Variants in GRB10 observed in about 807,000 individuals in gnomAD.
GRB10 encodes growth factor receptor bound protein 10.
Under a neutral mutation model 80.9 loss-of-function variants are expected in GRB10, and 20 were observed. That is an observed-to-expected ratio of 0.25 (90% CI 0.17 to 0.36). The LOEUF (loss-of-function observed/expected upper bound fraction) is 0.36, where lower values mean the gene tolerates loss of function less well. Among genes scored for constraint, GRB10 ranks in the 10% least tolerant of loss-of-function variants. GRB10 has a pLI of 1.00. For synonymous variants in GRB10, 291 were observed against 291.5 expected, an observed-to-expected ratio of 1.00 and a Z score of 0.02; for missense variants, 548 against 747.7, an observed-to-expected ratio of 0.73 and a Z score of 3.12.
At chr7:50,675,986 C>T (rs770535591) in intron 5 of GRB10, among the ~76,000 whole-genome samples, 6 of 152,174 alleles carry the variant, frequency 3.9e-5, no homozygotes, top group Admixed American at 1.3e-4. Context: ...GAGTTTTGTA[C>T]GTGTAACCCA....
chr7:50,614,302 G>C (rs1347799763), intron 12 of GRB10, among the ~76,000 whole-genome samples: 1 of 152,154 alleles, frequency 6.6e-6, no homozygotes, highest in Non-Finnish European at 1.5e-5. Flanking sequence ...GTGTGTGCAT[G>C]CCAGCACACA....
At position 50,604,485 on chromosome 7, in the gene GRB10, T is replaced by C. The variant is rs564599314; in HGVS notation, c.1390-108A>G. ...CACTGGGTGGGGTGCCTGACTGGGC[T>C]CACAAGGGACCTTGCCCCATCTGAA... is the stretch of plus-strand genomic sequence containing the variant. On this transcript the variant is annotated intron_variant, in intron 15 of 18. Transcript: ENST00000401949. 66 of 914,338 alleles carry C rather than the reference T, an allele frequency of 7.2e-5. 2 individuals are homozygous for C. The South Asian group carries it at 8.2e-4, about 11-fold the overall frequency. 56.6% of individuals were successfully genotyped at this position (914,338 alleles called of 1,614,324 possible). A position where few individuals can be genotyped will look rare whatever the true frequency, so the allele number is the denominator to read the frequency against.
At chr7:50,683,426 G>A (rs1333005611) in intron 5 of GRB10, among the ~76,000 whole-genome samples, 1 of 152,216 alleles carries the variant, frequency 6.6e-6, no homozygotes, top group Non-Finnish European at 1.5e-5. Context: ...TAATGCCATT[G>A]AAATGTGCAT....
intron 8 of GRB10, 30 bp downstream of exon 8, chr7:50,626,791 AG>A: frequency 4.3e-6 from 7 of 1,613,616 alleles, no homozygotes; most frequent in Non-Finnish European, 5.1e-6. Flanking sequence ...AAGCATCCCC[AG>A]GTGCCAATCC....
At chr7:50,659,505 A>C (rs55716906) in intron 7 of GRB10, among the ~76,000 whole-genome samples, 13,300 of 152,188 alleles carry the variant, frequency 0.087, 890 homozygotes, top group Non-Finnish European at 0.11. Flanking sequence ...CACCGAGGAC[A>C]CCCGAACCTG....
At chr7:50,746,254 T>C (rs1211154382) in intron 3 of GRB10, among the ~76,000 whole-genome samples, 5 of 152,206 alleles carry the variant, frequency 3.3e-5, no homozygotes, top group African/African-American at 9.7e-5. Flanking sequence ...TACTGAACAC[T>C]TGTCGATTTC....
chr7:50,638,902 T>C (rs1405135105), intron 7 of GRB10, among the ~76,000 whole-genome samples: 1 of 152,202 alleles, frequency 6.6e-6, no homozygotes, highest in Non-Finnish European at 1.5e-5. Flanking sequence ...GAATAGTATG[T>C]AGTCATAAAA....
chr7:50,732,444 G>T, intron 3 of GRB10, 76 bp from the exon 4 acceptor site: 2 of 885,984 alleles, frequency 2.3e-6, no homozygotes, highest in Non-Finnish European at 1.8e-6. Context: ...TGGTTCAAGT[G>T]TGACATGTCT....
At chr7:50,759,227 T>G (rs1390380371) in intron 2 of GRB10, among the ~76,000 whole-genome samples, 1 of 150,942 alleles carries the variant, frequency 6.6e-6, no homozygotes, top group Non-Finnish European at 1.5e-5. Flanking sequence ...AATGCCAAAC[T>G]TCACACCACT....
At chr7:50,614,011 G>T (rs934045975) in intron 12 of GRB10, among the ~76,000 whole-genome samples, 1 of 152,158 alleles carries the variant, frequency 6.6e-6, no homozygotes, top group Admixed American at 6.5e-5. Context: ...TAAGATAATG[G>T]ATGTAAAACT....
At chr7:50,679,739 G>A (rs368620299) in intron 5 of GRB10, among the ~76,000 whole-genome samples, 12 of 152,138 alleles carry the variant, frequency 7.9e-5, no homozygotes, top group Admixed American at 5.2e-4. Flanking sequence ...CTAAGAAACA[G>A]ATAAATGGCA....
intron 17 of GRB10, among the ~76,000 whole-genome samples, chr7:50,601,135 G>C (rs2047529602): frequency 6.6e-6 from 1 of 152,236 alleles, no homozygotes. Flanking sequence ...CGCAGTACTT[G>C]CAGCACGCTA....
chr7:50,696,178 C>A (rs2063392066), intron 5 of GRB10, among the ~76,000 whole-genome samples: 1 of 152,138 alleles, frequency 6.6e-6, no homozygotes, highest in African/African-American at 2.4e-5. Context: ...CACACACATG[C>A]ACACGTCATT....
intron 4 of GRB10, among the ~76,000 whole-genome samples, chr7:50,713,447 C>A (rs1587329576): frequency 6.6e-6 from 1 of 150,598 alleles, no homozygotes; most frequent in East Asian, 2.0e-4. Context: ...CATTTCATTA[C>A]CACCTCCATC....
In GRB10 at chr7:50,614,893, T is replaced by A. The variant is rs1433592337; in HGVS notation, c.985-13A>T. Reference sequence around the variant, plus strand: ...GGTGTCTGGGTTCCTGTGACAACACTGGCCAGGTTAAAGTCTCAAGCACAG... The same window carrying A: ...GGTGTCTGGGTTCCTGTGACAACACAGGCCAGGTTAAAGTCTCAAGCACAG... On this transcript the variant is annotated splice_polypyrimidine_tract_variant and intron_variant, in intron 11 of 18. Transcript: ENST00000401949. 1 of 1,567,702 alleles carries A rather than the reference T, an allele frequency of 6.4e-7. No homozygotes were observed. Among genetic ancestry groups the A allele is most frequent in the Non-Finnish European group, 8.8e-7 (1 of 1,137,718 alleles).
chr7:50,601,008 A>G (rs1407732102), intron 17 of GRB10, among the ~76,000 whole-genome samples: 1 of 152,242 alleles, frequency 6.6e-6, no homozygotes, highest in East Asian at 1.9e-4. Context: ...GGACATTTTA[A>G]AAAATGATGT....
intron 3 of GRB10, among the ~76,000 whole-genome samples, chr7:50,751,951 C>T (rs2074178002): frequency 6.6e-6 from 1 of 152,106 alleles, no homozygotes; most frequent in African/African-American, 2.4e-5. Flanking sequence ...AATATGTAAC[C>T]TCTTTTTATG....
intron 5 of GRB10, among the ~76,000 whole-genome samples, chr7:50,684,374 T>C: frequency 6.6e-6 from 1 of 151,238 alleles, no homozygotes; most frequent in East Asian, 1.9e-4. Flanking sequence ...ACAATAATTA[T>C]ATTTAAAAAA....
At chr7:50,599,669 T>C (rs1423689451) in intron 17 of GRB10, among the ~76,000 whole-genome samples, 1 of 152,170 alleles carries the variant, frequency 6.6e-6, no homozygotes, top group African/African-American at 2.4e-5. Context: ...GCCGGGCTGA[T>C]TTGGGGAACG....
Sources: allele counts gnomAD v4.1 joint callset (sites outside exome capture counted in the v4.1 genomes callset), GRCh38; gene constraint gnomAD v4.1.1; transcripts MANE v1.5; gene names NCBI Gene and HGNC (gene_info 2026-07-23, HGNC 2026-07-21).